Variants in WBP1 observed in about 807,000 individuals in gnomAD.
WBP1 encodes the protein WW domain binding protein 1.
In WBP1, 18 loss-of-function variants were observed where a neutral mutation model predicts 25.6. That is an observed-to-expected ratio of 0.70 (90% confidence interval 0.49 to 1.04). WBP1 has a LOEUF of 1.04. WBP1 is among the 50% of genes least tolerant of loss of function. The probability of loss-of-function intolerance (pLI) is 0.00; values close to 1 mark genes in which losing one functional copy is unlikely to be tolerated. For synonymous variants in WBP1, 122 were observed against 137.7 expected (o/e 0.89, Z 0.80); for missense variants, 330 against 352.9 (o/e 0.94, Z 0.52).
At position 74,458,455 on chromosome 2, in the gene WBP1, G is replaced by C. The variant is rs961370633; in HGVS notation, c.-148G>C. ...TCTGAGTCCTAGTTGGTGGAGTTCT[G>C]CCCGGATGGAAGCTCCGGCCGCGGA... On this transcript the variant is annotated 5_prime_UTR_variant, in exon 1 of 4. Transcript: ENST00000233615. 1.4e-6 allele frequency: 2 copies of C among 1,453,494 alleles called. No homozygotes were observed. The highest frequency in any genetic ancestry group is 2.7e-5 in the Admixed American group (1 of 37,700). 90.0% of individuals were successfully genotyped at this position (1,453,494 alleles called of 1,614,324 possible). A position where few individuals can be genotyped will look rare whatever the true frequency, so the allele number is the denominator to read the frequency against.
intron 1 of WBP1, chr2:74,459,174 C>A: frequency 6.6e-7 from 1 of 1,516,320 alleles, no homozygotes; most frequent in Non-Finnish European, 8.8e-7. Context: ...GTGGAAAGAT[C>A]CAGTTGCGGG....
At chr2:74,458,802 T>C in intron 1 of WBP1, 131 bp downstream of exon 1, 1 of 1,526,910 alleles carries the variant, frequency 6.5e-7, no homozygotes, top group Non-Finnish European at 8.8e-7. Flanking sequence ...ACATGTCTCT[T>C]CCACTCTTTG....
rs1417043795 is a variant in WBP1, at chr2:74,459,754, C to T, written c.172+9C>T. 1 of 1,614,162 alleles carries T rather than the reference C, an allele frequency of 6.2e-7. No homozygotes were observed. On this transcript the variant is annotated intron_variant, in intron 2 of 3. Coordinates refer to ENST00000233615, the MANE Select transcript of WBP1 (RefSeq NM_012477.4). The stretch of plus-strand genomic sequence containing the variant: ...CTACTATGAGCTCTGGTGTAAGTCT[C>T]CAAGAGGGCTATTTCCAGGTCCCTG...
At position 74,460,604 on chromosome 2, in the gene WBP1, C is replaced by T. The variant is rs935676886; in HGVS notation, c.733C>T (p.Pro245Ser). 2.5e-6 allele frequency: 4 copies of T among 1,612,646 alleles called. No individual in the cohort carries two copies. The African/African-American group carries it at 4.0e-5, about 16-fold the overall frequency. The change falls in exon 4 of 4, where the codon CCG (proline) becomes TCG (serine). Residue 245 changes from proline (P) to serine (S), a missense_variant. By Grantham distance (74) the Pro-to-Ser change is moderately conservative (BLOSUM62 -1). Coordinates refer to ENST00000233615, the MANE Select transcript of WBP1 (RefSeq NM_012477.4). Reference sequence around the variant, plus strand: ...CCTGCCAGATCTGGAGGACTACTCCCCGTGTGCACTACCCCCAGAGTCTGT... The same window carrying T: ...CCTGCCAGATCTGGAGGACTACTCCTCGTGTGCACTACCCCCAGAGTCTGT... ...ATLPDLEDYS[P>S]CALPPESVPQ...
Position 74,460,743 on chromosome 2 carries a change from T to G in WBP1, c.*62T>G. ...AGAAACAGCCCTAGTCCCAACTCCT[T>G]GCGTTCCTTTGGCCCCTCCCTGCCT... On this transcript the variant is annotated 3_prime_UTR_variant, in exon 4 of 4. Transcript: ENST00000233615. 3 of 1,394,990 alleles carry G rather than the reference T, an allele frequency of 2.2e-6. No individual in the cohort carries two copies. The highest frequency in any genetic ancestry group is 2.8e-5 in the South Asian group (2 of 70,574). 86.4% of individuals were successfully genotyped at this position (1,394,990 alleles called of 1,614,324 possible).
chr2:74,459,011 T>C (rs1277711904), intron 1 of WBP1: 1 of 1,550,620 alleles, frequency 6.4e-7, no homozygotes. Flanking sequence ...CGGCAGCGTC[T>C]TCTCTTGAGG....
chr2:74,460,376 G>A lies in WBP1; in HGVS notation c.505G>A (p.Glu169Lys). 1 of 1,613,886 alleles carries A rather than the reference G, an allele frequency of 6.2e-7. No homozygotes were observed. The highest frequency in any genetic ancestry group is 8.5e-7 in the Non-Finnish European group (1 of 1,180,012). Residue 169 changes from glutamate (E) to lysine (K), a missense_variant, in exon 4 of 4, where the codon GAA (glutamate) becomes AAA (lysine). By Grantham distance (56) the Glu-to-Lys change is moderately conservative. Transcript: ENST00000233615. Reference sequence around the variant, plus strand: ...CTCATCCAGCTGCCCTGCCCACTTTGAAGGAACAAATGTGGAAGGTGTTTC... The same window carrying A: ...CTCATCCAGCTGCCCTGCCCACTTTAAAGGAACAAATGTGGAAGGTGTTTC... ...SSSSSCPAHF[E>K]GTNVEGVSSH... is the part of the protein sequence containing the mutation.
intron 1 of WBP1, 164 bp downstream of exon 1, chr2:74,458,835 C>G: frequency 6.5e-7 from 1 of 1,539,814 alleles, no homozygotes. Context: ...AACGTAGATG[C>G]AGCTGACTTT....
At position 74,460,476 on chromosome 2, in the gene WBP1, C is replaced by A. The variant is rs547369832; in HGVS notation, c.605C>A (p.Ser202Tyr). 6.2e-7 allele frequency: 1 copy of A among 1,613,612 alleles called. No individual in the cohort carries two copies. Among genetic ancestry groups the A allele is most frequent in the African/African-American group, 1.3e-5 (1 of 75,050 alleles). ...GTGACCCCTGCCTCCACACCCCCCT[C>A]CTGCCGCTATCGCCGTTTAACTGGC... Reference protein sequence around the residue: ...AGVTPASTPPSCRYRRLTGDS... With the variant: ...AGVTPASTPPYCRYRRLTGDS... Residue 202 changes from serine to tyrosine, a missense_variant, in exon 4 of 4, where the codon TCC (serine) becomes TAC (tyrosine). Physicochemically the swap from Ser to Tyr is moderately radical, Grantham distance 144 (BLOSUM62 -2). Transcript: ENST00000233615.
At chr2:74,459,536 T>A (rs1671826276) in intron 1 of WBP1, 107 bp from the exon 2 acceptor site, 1 of 1,025,634 alleles carries the variant, frequency 9.8e-7, no homozygotes. Flanking sequence ...CTCTCCAAGC[T>A]GAACTTGGTT....
chr2:74,458,654 C>T lies in WBP1; in HGVS notation c.52C>T (p.Arg18Trp), dbSNP rs1384881342. The change falls in exon 1 of 4, where the codon CGG becomes TGG. Residue 18 changes from arginine to tryptophan, a missense_variant. By Grantham distance (101) the Arg-to-Trp change is moderately radical (BLOSUM62 -3). Transcript: ENST00000233615. ...CAGCGAGGAGGCCTGGGGGGCACTT[C>T]GGGCGCCGCAACAGCAGGTATCCCA... ...NGSEEAWGAL[R>W]APQQQLRELC... 7.6e-6 allele frequency: 12 copies of T among 1,572,268 alleles called. No individual in the cohort carries two copies. The South Asian group carries it at 1.3e-4, about 17-fold the overall frequency.
Position 74,459,665 on chromosome 2 carries a change from T to C in WBP1, c.92T>C (p.Val31Ala). Residue 31 changes from valine to alanine, a missense_variant, in exon 2 of 4, where the codon GTG (valine) becomes GCG (alanine). By Grantham distance (64) the Val-to-Ala change is moderately conservative. Transcript: ENST00000233615. ...QQQLRELCPG[V>A]NNQPYLCESG... ...CAGCTTCGAGAGCTGTGCCCAGGAG[T>C]GAACAACCAGCCCTACCTCTGTGAG... 6.2e-7 allele frequency: 1 copy of C among 1,613,902 alleles called. No individual in the cohort carries two copies. Among genetic ancestry groups the C allele is most frequent in the Non-Finnish European group, 8.5e-7 (1 of 1,179,980 alleles).
chr2:74,460,400 T>G lies in WBP1; in HGVS notation c.529T>G (p.Ser177Ala), dbSNP rs1289516762. ...HFEGTNVEGVSSHQSAPPHQE... is the reference protein window; with the variant it reads ...HFEGTNVEGVASHQSAPPHQE... ...TGAAGGAACAAATGTGGAAGGTGTT[T>G]CCTCCCACCAGAGTGCCCCCCCTCA... is the stretch of plus-strand genomic sequence containing the variant. Residue 177 changes from serine to alanine, a missense_variant, in exon 4 of 4, where the codon TCC (serine) becomes GCC (alanine). Physicochemically the swap from Ser to Ala is moderately conservative, Grantham distance 99 (BLOSUM62 1). Coordinates refer to ENST00000233615, the MANE Select transcript of WBP1 (RefSeq NM_012477.4). 1 of 1,613,652 alleles carries G rather than the reference T, an allele frequency of 6.2e-7. No individual in the cohort carries two copies.
At chr2:74,458,877 T>G (rs1475128581) in intron 1 of WBP1, 1 of 1,550,748 alleles carries the variant, frequency 6.4e-7, no homozygotes, top group African/African-American at 1.4e-5. Flanking sequence ...ATCCCATGGC[T>G]GCAGTGGAAG....
rs1402594491 is a variant in WBP1 at position 74,460,745 on chromosome 2, C to T, written c.*64C>T. On this transcript the variant is annotated 3_prime_UTR_variant, in exon 4 of 4. Coordinates refer to ENST00000233615, the MANE Select transcript of WBP1 (RefSeq NM_012477.4). ...AAACAGCCCTAGTCCCAACTCCTTGCGTTCCTTTGGCCCCTCCCTGCCTAC... is the reference window on the plus strand; with the variant it reads ...AAACAGCCCTAGTCCCAACTCCTTGTGTTCCTTTGGCCCCTCCCTGCCTAC... 4.9e-5 allele frequency: 68 copies of T among 1,389,960 alleles called. No individual in the cohort carries two copies. The highest frequency in any genetic ancestry group is 2.5e-4 in the Middle Eastern group (1 of 3,928). The allele number at this position is 1,389,960 out of a possible 1,614,324, so 86.1% of individuals were successfully genotyped here. A position where few individuals can be genotyped will look rare whatever the true frequency, so the allele number is the denominator to read the frequency against.
At position 74,460,211 on chromosome 2, in the gene WBP1, T is replaced by C; in HGVS notation, c.350-10T>C. On this transcript the variant is annotated splice_polypyrimidine_tract_variant and intron_variant, in intron 3 of 3. Transcript: ENST00000233615. ...TCTTCAACCAATCATGCCAATTTTC[T>C]CCCCTGCAGGCTTCCTCAGCACCTT... 4 of 1,598,736 alleles carry C rather than the reference T, an allele frequency of 2.5e-6. No homozygotes were observed. The highest frequency in any genetic ancestry group is 3.4e-6 in the Non-Finnish European group (4 of 1,170,182).
rs142859048 is a variant in WBP1 at position 74,460,287 on chromosome 2, C to A, written c.416C>A (p.Pro139His). 4 of 1,614,126 alleles carry A rather than the reference C, an allele frequency of 2.5e-6. No individual in the cohort carries two copies. The highest frequency in any genetic ancestry group is 3.4e-6 in the Non-Finnish European group (4 of 1,179,978). Residue 139 changes from proline (P) to histidine (H), a missense_variant, in exon 4 of 4, where the codon CCC becomes CAC. Pro to His is a moderately conservative substitution (Grantham distance 77, BLOSUM62 -2). Coordinates refer to ENST00000233615, the MANE Select transcript of WBP1 (RefSeq NM_012477.4). ...DVVHRPGTPPPPYTVAPGRPL... is the reference protein window; with the variant it reads ...DVVHRPGTPPHPYTVAPGRPL... ...GTTCACCGCCCAGGCACACCACCCCCCCCTTATACTGTGGCCCCAGGCCGC... is the reference window on the plus strand; with the variant it reads ...GTTCACCGCCCAGGCACACCACCCCACCCTTATACTGTGGCCCCAGGCCGC...
Position 74,460,874 on chromosome 2 carries a change from G to T in WBP1, c.*193G>T. 1 of 623,358 alleles carries T rather than the reference G, an allele frequency of 1.6e-6. No individual in the cohort carries two copies. The allele number at this position is 623,358 out of a possible 1,614,324, so 38.6% of individuals were successfully genotyped here. On this transcript the variant is annotated 3_prime_UTR_variant, in exon 4 of 4. Coordinates refer to ENST00000233615, the MANE Select transcript of WBP1 (RefSeq NM_012477.4). ...GAGCCTTTGATCTCATTAAAGAGATGTGAACCAGCTACTTGTGGATTTGGG... is the reference window on the plus strand; with the variant it reads ...GAGCCTTTGATCTCATTAAAGAGATTTGAACCAGCTACTTGTGGATTTGGG...
At position 74,460,039 on chromosome 2, in the gene WBP1, G is replaced by C. The variant is rs11544846; in HGVS notation, c.339G>C (p.Leu113=). 1.4e-5 allele frequency: 23 copies of C among 1,613,080 alleles called. No homozygotes were observed. The highest frequency in any genetic ancestry group is 1.7e-5 in the Non-Finnish European group (20 of 1,179,116). The change falls in exon 3 of 4, where the codon CTG becomes CTC. Residue 113 remains leucine (L), a synonymous_variant. Coordinates refer to ENST00000233615, the MANE Select transcript of WBP1 (RefSeq NM_012477.4). ...HGAGPFPTGS[L]LDLRFLSTFK... ...CTGGTCCTTTCCCTACCGGTTCACT[G>C]CTTGACCTTCGTGAGTGACTTGATG...
Sources: allele counts gnomAD v4.1 joint callset, GRCh38; gene constraint gnomAD v4.1.1; transcripts MANE v1.5; gene names NCBI Gene and HGNC (gene_info 2026-07-23, HGNC 2026-07-21).